SLC25A13: variants seen among roughly 807,000 people sequenced by gnomAD.
SLC25A13 encodes the protein solute carrier family 25 member 13, also known as electrogenic aspartate/glutamate antiporter SLC25A13, mitochondrial.
Under a neutral mutation model 85.5 loss-of-function variants are expected in SLC25A13, and 70 were observed. The observed-to-expected ratio is 0.82, with a 90% CI of 0.68 to 1.00. The LOEUF is 1.00. Ranked by LOEUF, SLC25A13 falls within the 50% of genes least tolerant of loss-of-function variation. The probability of loss-of-function intolerance (pLI) is 0.00; values close to 1 mark genes in which losing one functional copy is unlikely to be tolerated. For missense variants in SLC25A13, 765 were observed against 819.8 expected (o/e 0.93, Z 0.82); for synonymous variants, 259 against 288.7 (o/e 0.90, Z 1.04).
chr7:96,134,558 A>G (rs541737843), intron 14 of SLC25A13, among the ~76,000 whole-genome samples: 1 of 152,100 alleles, frequency 6.6e-6, no homozygotes, highest in South Asian at 2.1e-4. Context: ...AGGCACAGGA[A>G]GAGTAAAGGC....
chr7:96,214,501 C>T (rs779010241), intron 4 of SLC25A13, among the ~76,000 whole-genome samples: 16 of 152,244 alleles, frequency 1.1e-4, no homozygotes, highest in East Asian at 1.9e-4. Context: ...CCCAGGCAGG[C>T]GGATCATTTC....
intron 3 of SLC25A13, among the ~76,000 whole-genome samples, chr7:96,251,739 C>T (rs1797436430): frequency 6.6e-6 from 1 of 152,176 alleles, no homozygotes; most frequent in South Asian, 2.1e-4. Flanking sequence ...ACTTAATAAA[C>T]TGTTCTTGAA....
chr7:96,311,661 G>A (rs1799955871), intron 1 of SLC25A13, among the ~76,000 whole-genome samples: 1 of 152,136 alleles, frequency 6.6e-6, no homozygotes, highest in African/African-American at 2.4e-5. Flanking sequence ...TTAGGACATG[G>A]GTTTTAGCAT....
chr7:96,308,154 CAAAAAAAAAAA>C (rs757439839), intron 1 of SLC25A13, among the ~76,000 whole-genome samples: 3 of 81,472 alleles, frequency 3.7e-5, no homozygotes, highest in African/African-American at 1.3e-4. Context: ...ACTCCATCTC[CAAAAAAAAAAA>C]AAAAAAAAAT....
At chr7:96,272,748 TA>T (rs1409123535) in intron 3 of SLC25A13, among the ~76,000 whole-genome samples, 1 of 152,080 alleles carries the variant, frequency 6.6e-6, no homozygotes, top group Non-Finnish European at 1.5e-5. Flanking sequence ...TTTATGTTGA[TA>T]AAAAAGATTA....
chr7:96,135,375 T>A (rs2116442338), intron 14 of SLC25A13, among the ~76,000 whole-genome samples: 1 of 152,272 alleles, frequency 6.6e-6, no homozygotes, highest in Admixed American at 6.5e-5. Flanking sequence ...GACAGAGACT[T>A]ATTAAATTTC....
intron 1 of SLC25A13, among the ~76,000 whole-genome samples, chr7:96,318,940 C>T (rs1800226783): frequency 6.6e-6 from 1 of 152,174 alleles, no homozygotes; most frequent in Non-Finnish European, 1.5e-5. Context: ...GAATGCCAAC[C>T]CTACCCCTAT....
At chr7:96,303,844 C>G (rs1265747516) in intron 1 of SLC25A13, among the ~76,000 whole-genome samples, 1 of 151,978 alleles carries the variant, frequency 6.6e-6, no homozygotes, top group East Asian at 1.9e-4. Flanking sequence ...GCTTGAGACT[C>G]TAGACGTCAT....
chr7:96,185,613 G>A (rs1159372897), intron 9 of SLC25A13, among the ~76,000 whole-genome samples: 1 of 142,886 alleles, frequency 7.0e-6, no homozygotes, highest in African/African-American at 2.6e-5. Context: ...AAAATAGGTC[G>A]GGTACGGTGG....
intron 3 of SLC25A13, among the ~76,000 whole-genome samples, chr7:96,240,068 G>A (rs73710242): frequency 0.024 from 3,642 of 152,254 alleles, 141 homozygotes; most frequent in African/African-American, 0.082. Flanking sequence ...TCACTGTAGC[G>A]TAACTTTAGG....
rs570116185 is a variant in SLC25A13, at chr7:96,232,609, T to A, written c.328+2193A>T. On this transcript the variant is annotated intron_variant, in intron 4 of 17. Transcript: ENST00000265631. ...GAACTTACGTTAAAAAAAAAAAATTTAAAAAAATTTTAAAAAAAAGGGCTT... is the reference window on the plus strand; with the variant it reads ...GAACTTACGTTAAAAAAAAAAAATTAAAAAAAATTTTAAAAAAAAGGGCTT... Among the ~76,000 whole-genome samples, 651 of 123,034 alleles carry A rather than the reference T, an allele frequency of 5.3e-3. 8 individuals carry two copies. Among genetic ancestry groups the A allele is most frequent in the African/African-American group, 0.02 (587 of 29,378 alleles). The allele number at this position is 123,034 out of a possible 152,430, so 80.7% of individuals were successfully genotyped here.
In SLC25A13 at chr7:96,193,135, C is replaced by A. The variant is rs1387446179; in HGVS notation, c.517G>T (p.Ala173Ser). ...ATGGCTGTGACTCTCCCAGTCCTAG[C>A]ATTGTCCCGTTGCACAAAGGCTTGC... ...AKQAFVQRDN[A>S]RTGRVTAIDF... is the part of the protein sequence containing the mutation. The change falls in exon 6 of 18, where the codon GCT becomes TCT. Residue 173 changes from alanine (A) to serine (S), a missense_variant. Ala to Ser is a moderately conservative substitution (Grantham distance 99). Coordinates refer to ENST00000265631, the MANE Select transcript of SLC25A13 (RefSeq NM_014251.3). 4 of 1,614,124 alleles carry A rather than the reference C, an allele frequency of 2.5e-6. No homozygotes were observed. Among genetic ancestry groups the A allele is most frequent in the Non-Finnish European group, 2.5e-6 (3 of 1,180,020 alleles).
At chr7:96,264,740 G>C (rs961050574) in intron 3 of SLC25A13, among the ~76,000 whole-genome samples, 6 of 151,064 alleles carry the variant, frequency 4.0e-5, no homozygotes, top group South Asian at 2.1e-4. Context: ...GTAGAGACAG[G>C]GTCTCGCTAT....
intron 2 of SLC25A13, among the ~76,000 whole-genome samples, chr7:96,295,416 C>G (rs752203730): frequency 1.3e-5 from 2 of 152,010 alleles, no homozygotes; most frequent in Non-Finnish European, 2.9e-5. Context: ...TGTAATAAAC[C>G]CAATATTCCA....
At chr7:96,231,188 T>G (rs1271930587) in intron 4 of SLC25A13, among the ~76,000 whole-genome samples, 2 of 151,366 alleles carry the variant, frequency 1.3e-5, no homozygotes, top group African/African-American at 4.9e-5. Context: ...CTCTGGAGAG[T>G]GGAATGGGCA....
Position 96,277,335 on chromosome 7 carries a change from C to A in SLC25A13, c.73G>T (p.Ala25Ser). 6.2e-7 allele frequency: 1 copy of A among 1,611,512 alleles called. No homozygotes were observed. Among genetic ancestry groups the A allele is most frequent in the East Asian group, 2.2e-5 (1 of 44,754 alleles). ...AELRTIFLKY[A>S]SIEKNGEFFM... ...AATTCACCGTTTTTCTCAATGCTTG[C>A]ATACTGTTTAAAAAAAAGAAAAACA... Residue 25 changes from alanine to serine, a missense_variant, in exon 3 of 18, where the codon GCA becomes TCA. Ala to Ser is a moderately conservative substitution (Grantham distance 99). Transcript: ENST00000265631.
chr7:96,125,555 A>C (rs967688798), intron 15 of SLC25A13, among the ~76,000 whole-genome samples: 3 of 152,176 alleles, frequency 2.0e-5, no homozygotes, highest in Non-Finnish European at 2.9e-5. Context: ...GGATTTTGAA[A>C]GTATCCAGTA....
intron 1 of SLC25A13, among the ~76,000 whole-genome samples, chr7:96,300,227 T>C (rs557157468): frequency 2.0e-5 from 3 of 152,044 alleles, no homozygotes; most frequent in South Asian, 2.1e-4. Context: ...CTGGGCAACA[T>C]AGTGACACCC....
intron 13 of SLC25A13, among the ~76,000 whole-genome samples, chr7:96,159,429 AGAGATT>A (rs1793413464): frequency 1.3e-5 from 2 of 152,216 alleles, no homozygotes; most frequent in African/African-American, 4.8e-5. Flanking sequence ...CCTTATAATT[AGAGATT>A]AAGACACAGA....
Sources: gnomAD v4.1 joint callset for allele counts (sites outside exome capture counted in the v4.1 genomes callset) on GRCh38, gnomAD v4.1.1 for gene constraint, MANE v1.5 for transcripts, NCBI Gene and HGNC (gene_info 2026-07-23, HGNC 2026-07-21) for gene names.